The following STEEP1 variants were observed in gnomAD, a reference collection of about 807,000 sequenced individuals.
STEEP1 encodes STING1 ER exit protein 1, also known as STING ER exit protein.
A neutral mutation model predicts 19.2 loss-of-function variants in STEEP1; 3 were observed. That is an observed-to-expected ratio of 0.16 (90% confidence interval 0.07 to 0.40). The LOEUF (loss-of-function observed/expected upper bound fraction) is 0.40. Among genes scored for constraint, STEEP1 ranks in the 10% least tolerant of loss-of-function variants. STEEP1 has a pLI of 0.99. For synonymous variants in STEEP1, 46 were observed against 63.7 expected (o/e 0.72, Z 1.32); for missense variants, 54 against 177.1 (o/e 0.30, Z 3.94).
chrX:119,549,666 A>T (rs1481463029), intron 2 of STEEP1, among the ~76,000 whole-genome samples: 1 of 112,200 alleles, frequency 8.9e-6, no homozygotes, highest in Non-Finnish European at 1.9e-5. Flanking sequence ...TGGCTCCGGC[A>T]TTGGGCAAGG....
chrX:119,544,342 A>T lies in STEEP1; in HGVS notation c.423+11T>A. On this transcript the variant is annotated intron_variant, in intron 4 of 6. Transcript: ENST00000644802. ...GCTATATTAAGCAGTCTCTCCTTCA[A>T]TGGTAATTACCTTCTTAGGAGGCTC... 8.3e-7 allele frequency: 1 copy of T among 1,201,181 alleles called. No homozygotes were observed. The highest frequency in any genetic ancestry group is 1.1e-6 in the Non-Finnish European group (1 of 887,252).
intron 5 of STEEP1, among the ~76,000 whole-genome samples, chrX:119,542,055 C>CTTTTTTTTTTTTTTTTTTTTTTTT (rs201339708): frequency 6.0e-5 from 5 of 82,908 alleles, no homozygotes; most frequent in Non-Finnish European, 1.1e-4. Context: ...CTTTTCTTTT[C>CTTTTTTTTTTTTTTTTTTTTTTTT]TTTTTTTTTT....
At chrX:119,556,610 G>A (rs746558950) in intron 2 of STEEP1, among the ~76,000 whole-genome samples, 1 of 108,435 alleles carries the variant, frequency 9.2e-6, no homozygotes, top group East Asian at 2.9e-4. Context: ...GAGTGTCAGA[G>A]TGGTGCTGAG....
chrX:119,554,987 T>G (rs1325914175), intron 2 of STEEP1, among the ~76,000 whole-genome samples: 1 of 110,407 alleles, frequency 9.1e-6, no homozygotes, highest in Non-Finnish European at 1.9e-5. Context: ...CACATGCCTA[T>G]GGTCCCAGCT....
chrX:119,545,443 C>T lies in STEEP1; in HGVS notation c.284+20G>A, dbSNP rs1260172343. On this transcript the variant is annotated intron_variant, in intron 3 of 6. Coordinates refer to ENST00000644802, the MANE Select transcript of STEEP1 (RefSeq NM_022101.4). Reference sequence around the variant, plus strand: ...CTCTACTTGCCTATGCTTGGAGAAACCCACATTGTTAATACTTACTTTGCA... The same window carrying T: ...CTCTACTTGCCTATGCTTGGAGAAATCCACATTGTTAATACTTACTTTGCA... The T allele has an allele frequency of 8.9e-7, 1 of 1,122,691 alleles. No homozygotes were observed. The highest frequency in any genetic ancestry group is 1.8e-5 in the South Asian group (1 of 55,181). The allele number at this position is 1,122,691 out of a possible 1,213,427, so 92.5% of individuals were successfully genotyped here. A position where few individuals can be genotyped will look rare whatever the true frequency, so the allele number is the denominator to read the frequency against.
At chrX:119,556,406 A>AC (rs1263400910) in intron 2 of STEEP1, among the ~76,000 whole-genome samples, 1 of 109,884 alleles carries the variant, frequency 9.1e-6, no homozygotes, top group African/African-American at 3.3e-5. Context: ...ACACAGTGAA[A>AC]CCCCGTCTCT....
intron 5 of STEEP1, 98 bp downstream of exon 5, chrX:119,542,407 T>C: frequency 1.7e-6 from 1 of 596,286 alleles, no homozygotes; most frequent in South Asian, 2.6e-5. Flanking sequence ...AAGTGAAGTC[T>C]CTAATATTTC....
chrX:119,563,054 T>C (rs2053331687), intron 1 of STEEP1, among the ~76,000 whole-genome samples: 1 of 112,126 alleles, frequency 8.9e-6, no homozygotes, highest in African/African-American at 3.2e-5. Flanking sequence ...TGTTAGGGAA[T>C]GAAGCCTGAG....
At chrX:119,562,687 CAAA>C (rs199872289) in intron 1 of STEEP1, among the ~76,000 whole-genome samples, 1,596 of 88,156 alleles carry the variant, frequency 0.018, 31 homozygotes, top group African/African-American at 0.055. Context: ...GACACTGTTT[CAAA>C]AAAAAAAAAA....
chrX:119,550,499 T>C (rs973256788), intron 2 of STEEP1, among the ~76,000 whole-genome samples: 2 of 111,418 alleles, frequency 1.8e-5, no homozygotes, highest in African/African-American at 6.5e-5. Flanking sequence ...CTGGGAAAAC[T>C]AGATAGCCAC....
intron 2 of STEEP1, among the ~76,000 whole-genome samples, chrX:119,549,678 C>A (rs1431322251): frequency 8.9e-6 from 1 of 112,050 alleles, no homozygotes; most frequent in Admixed American, 9.6e-5. Flanking sequence ...TGGGCAAGGG[C>A]CTTCGTGCTG....
intron 1 of STEEP1, among the ~76,000 whole-genome samples, chrX:119,563,072 C>T (rs946041612): frequency 2.7e-5 from 3 of 112,060 alleles, no homozygotes; most frequent in African/African-American, 9.7e-5. Context: ...GAGAGGTAGC[C>T]ACAGGCCTGA....
chrX:119,552,813 C>A (rs2053252569), intron 2 of STEEP1, among the ~76,000 whole-genome samples: 1 of 112,327 alleles, frequency 8.9e-6, no homozygotes, highest in Non-Finnish European at 1.9e-5. Flanking sequence ...ACCACTGAAT[C>A]ATACACTTTA....
At chrX:119,549,720 T>C (rs760780604) in intron 2 of STEEP1, among the ~76,000 whole-genome samples, 114 of 112,451 alleles carry the variant, frequency 1.0e-3, no homozygotes, top group African/African-American at 3.5e-3. Flanking sequence ...CAAGTAAGTA[T>C]GAGAAAGCTC....
intron 2 of STEEP1, among the ~76,000 whole-genome samples, chrX:119,557,155 CA>C (rs61087266): frequency 0.094 from 4,469 of 47,677 alleles, 404 homozygotes; most frequent in African/African-American, 0.31. Flanking sequence ...GACTCTATCT[CA>C]AAAAAAAAAA....
At chrX:119,550,103 T>C in intron 2 of STEEP1, among the ~76,000 whole-genome samples, 2 of 112,463 alleles carry the variant, frequency 1.8e-5, no homozygotes, top group Middle Eastern at 9.1e-3. Context: ...TGTTCATGGA[T>C]TGGAAGACTT....
chrX:119,564,085 C>T (rs2053340011), intron 1 of STEEP1, among the ~76,000 whole-genome samples: 1 of 111,303 alleles, frequency 9.0e-6, no homozygotes, highest in Non-Finnish European at 1.9e-5. Flanking sequence ...GTATTTAAAG[C>T]TTGGGAATGA....
intron 1 of STEEP1, among the ~76,000 whole-genome samples, chrX:119,562,908 G>A (rs2053330431): frequency 9.0e-6 from 1 of 111,284 alleles, no homozygotes; most frequent in African/African-American, 3.3e-5. Flanking sequence ...TGAAGTAAGG[G>A]AGGGATTGAG....
At chrX:119,545,824 C>T (rs1388286601) in intron 2 of STEEP1, among the ~76,000 whole-genome samples, 1 of 99,671 alleles carries the variant, frequency 1.0e-5, no homozygotes, top group Non-Finnish European at 2.0e-5. Flanking sequence ...ACCTGGGAGG[C>T]GGAGGTTGCG....
Sources: gnomAD v4.1 joint callset for allele counts (sites outside exome capture counted in the v4.1 genomes callset) on GRCh38, gnomAD v4.1.1 for gene constraint, MANE v1.5 for transcripts, NCBI Gene and HGNC (gene_info 2026-07-23, HGNC 2026-07-21) for gene names.